NRXN3: variants seen among roughly 807,000 people sequenced by gnomAD.
The protein encoded by NRXN3 is neurexin III.
NRXN3 carries 32 observed loss-of-function variants against 137.6 expected under a neutral mutation model. The observed-to-expected ratio is 0.23, with a 90% CI of 0.18 to 0.31. The LOEUF (loss-of-function observed/expected upper bound fraction) is 0.31. Among genes scored for constraint, NRXN3 ranks in the 10% least tolerant of loss-of-function variants. NRXN3 has a pLI of 1.00. For synonymous variants in NRXN3, 798 were observed against 784.5 expected (o/e 1.02, Z -0.29); for missense variants, 1,574 against 2,062.5 (o/e 0.76, Z 4.59).
intron 4 of NRXN3, among the ~76,000 whole-genome samples, chr14:78,551,973 T>C (rs146394833): frequency 6.6e-6 from 1 of 152,280 alleles, no homozygotes; most frequent in East Asian, 1.9e-4. Context: ...ACTTTGCTTG[T>C]TGGTCGCGAT....
intron 2 of NRXN3, among the ~76,000 whole-genome samples, chr14:78,275,570 A>G (rs1045187705): frequency 1.3e-5 from 2 of 152,182 alleles, no homozygotes; most frequent in Non-Finnish European, 1.5e-5. Context: ...AAAATGGAAT[A>G]TGGCAGCTCT....
At chr14:79,207,494 T>C (rs2066958934) in intron 15 of NRXN3, among the ~76,000 whole-genome samples, 1 of 152,112 alleles carries the variant, frequency 6.6e-6, no homozygotes, top group Non-Finnish European at 1.5e-5. Context: ...TAACAACTGG[T>C]GCAAGGAAAG....
chr14:79,760,102 A>G (rs562224361), intron 19 of NRXN3, among the ~76,000 whole-genome samples: 1 of 151,684 alleles, frequency 6.6e-6, no homozygotes, highest in Non-Finnish European at 1.5e-5. Flanking sequence ...TAAATTTCCA[A>G]CTGAGTACAT....
At chr14:79,342,887 G>T (rs1365321958) in intron 15 of NRXN3, among the ~76,000 whole-genome samples, 1 of 152,148 alleles carries the variant, frequency 6.6e-6, no homozygotes, top group East Asian at 1.9e-4. Context: ...GCAGGAGACC[G>T]GAGTTTTACT....
chr14:78,567,727 T>TTAG (rs939055482), intron 4 of NRXN3, among the ~76,000 whole-genome samples: 2 of 152,016 alleles, frequency 1.3e-5, no homozygotes, highest in Admixed American at 1.3e-4. Flanking sequence ...ATTATTATTA[T>TTAG]TAGTAGTAGA....
At chr14:78,488,508 G>A (rs1432629707) in intron 4 of NRXN3, among the ~76,000 whole-genome samples, 3 of 152,026 alleles carry the variant, frequency 2.0e-5, no homozygotes, top group Admixed American at 1.3e-4. Flanking sequence ...AATCAAAAAG[G>A]TGAGCAAAAA....
intron 16 of NRXN3, among the ~76,000 whole-genome samples, chr14:79,649,427 A>C (rs535080733): frequency 6.6e-6 from 1 of 152,280 alleles, no homozygotes; most frequent in South Asian, 2.1e-4. Context: ...ATTTATATTT[A>C]TTTTGACTCT....
At chr14:78,548,960 C>T (rs1007646375) in intron 4 of NRXN3, among the ~76,000 whole-genome samples, 4 of 152,176 alleles carry the variant, frequency 2.6e-5, no homozygotes, top group African/African-American at 9.7e-5. Context: ...TTCCTGCATC[C>T]CTGTGACATC....
At chr14:78,330,208 G>C (rs2153569047) in intron 4 of NRXN3, among the ~76,000 whole-genome samples, 1 of 152,190 alleles carries the variant, frequency 6.6e-6, no homozygotes, top group South Asian at 2.1e-4. Flanking sequence ...TCTTGAAACA[G>C]AGAGAGCTTG....
chr14:79,490,694 T>C (rs979086608), intron 16 of NRXN3, among the ~76,000 whole-genome samples: 1 of 99,280 alleles, frequency 1.0e-5, no homozygotes, highest in South Asian at 3.3e-4. Flanking sequence ...TTGGGGGAGG[T>C]GGGGGTGGTT....
chr14:79,748,663 A>T (rs2098987134), intron 19 of NRXN3, among the ~76,000 whole-genome samples: 4 of 152,110 alleles, frequency 2.6e-5, no homozygotes, highest in Non-Finnish European at 1.5e-5. Context: ...CTCAATAAAG[A>T]AGAGGCCAGT....
In NRXN3 at chr14:78,547,214, TA is replaced by T. The variant is rs1555362615; in HGVS notation, c.758-97905del. On this transcript the variant is annotated intron_variant, in intron 4 of 20. Transcript: ENST00000335750. ...CTGTCATTGCTCTTTTTTTTTCATT[TA>T]TTTTTTTTTGAGACGGAGTCTCTCT... Among the ~76,000 whole-genome samples the T allele has an allele frequency of 3.8e-3, 384 of 102,096 alleles. 6 individuals are homozygous for T. The South Asian group carries it at 0.054, about 14-fold the overall frequency. The allele number at this position is 102,096 out of a possible 152,430, so 67.0% of individuals were successfully genotyped here.
chr14:78,783,953 T>C (rs542206729), intron 8 of NRXN3, among the ~76,000 whole-genome samples: 2 of 151,594 alleles, frequency 1.3e-5, no homozygotes, highest in East Asian at 3.9e-4. Context: ...ATAGAGCATC[T>C]ACTATGGACC....
intron 8 of NRXN3, among the ~76,000 whole-genome samples, chr14:78,726,768 C>G (rs569167641): frequency 1.3e-5 from 2 of 152,052 alleles, no homozygotes; most frequent in African/African-American, 4.8e-5. Context: ...GTCTGCCCAC[C>G]TCGGCCTCCC....
chr14:79,247,636 A>G (rs960510789), intron 15 of NRXN3, among the ~76,000 whole-genome samples: 2 of 152,140 alleles, frequency 1.3e-5, no homozygotes, highest in African/African-American at 4.8e-5. Flanking sequence ...TAAAATGGAA[A>G]CAGCCAAAAG....
At chr14:79,361,793 A>G (rs2093690749) in intron 15 of NRXN3, among the ~76,000 whole-genome samples, 1 of 152,110 alleles carries the variant, frequency 6.6e-6, no homozygotes, top group South Asian at 2.1e-4. Flanking sequence ...AGCAATGACC[A>G]GATATAAGGG....
chr14:78,254,463 G>A (rs537721583), intron 2 of NRXN3, among the ~76,000 whole-genome samples: 1 of 152,210 alleles, frequency 6.6e-6, no homozygotes, highest in South Asian at 2.1e-4. Flanking sequence ...GGCAGATCAC[G>A]AGGTCAGGAC....
chr14:78,556,815 G>GCC (rs2096740969), intron 4 of NRXN3, among the ~76,000 whole-genome samples: 1 of 151,524 alleles, frequency 6.6e-6, no homozygotes, highest in Non-Finnish European at 1.5e-5. Context: ...CTTCTCCCTA[G>GCC]CAGTTGATGG....
intron 19 of NRXN3, among the ~76,000 whole-genome samples, chr14:79,699,347 G>T (rs1482258065): frequency 6.6e-6 from 1 of 152,012 alleles, no homozygotes; most frequent in Non-Finnish European, 1.5e-5. Context: ...GGATAGTTCT[G>T]TCTGCACAGG....
Sources: allele counts gnomAD v4.1 joint callset (sites outside exome capture counted in the v4.1 genomes callset), GRCh38; gene constraint gnomAD v4.1.1; transcripts MANE v1.5; gene names NCBI Gene and HGNC (gene_info 2026-07-23, HGNC 2026-07-21).